Variants in IMPACT observed in about 807,000 individuals in gnomAD.
The protein encoded by IMPACT is protein IMPACT.
IMPACT carries 35 observed loss-of-function variants against 47.5 expected under a neutral mutation model. The observed-to-expected ratio is 0.74, with a 90% confidence interval of 0.56 to 0.98. IMPACT has a LOEUF of 0.98. IMPACT is among the 50% of genes least tolerant of loss of function. The probability of loss-of-function intolerance (pLI) is 0.00; values close to 1 mark genes in which losing one functional copy is unlikely to be tolerated. For synonymous variants in IMPACT, 118 were observed against 125.6 expected, an observed-to-expected ratio of 0.94 and a Z score of 0.40; for missense variants, 373 against 394.8, an observed-to-expected ratio of 0.94 and a Z score of 0.47.
In IMPACT at chr18:24,452,719, T is replaced by G. The variant is rs1472257786; in HGVS notation, c.*1872T>G. 1 of 152,190 alleles carries G rather than the reference T, an allele frequency of 6.6e-6. No individual in the cohort carries two copies. The highest frequency in any genetic ancestry group is 2.4e-5 in the African/African-American group (1 of 41,448). The allele number at this position is 152,190 out of a possible 1,614,324, so 9.4% of individuals were successfully genotyped here. On this transcript the variant is annotated 3_prime_UTR_variant, in exon 11 of 11. Transcript: ENST00000284202. ...TTTCCTCTATTTAAAATTTTTGTCTTGATTAGGAGATTTTTCAGTTCTCCA... is the reference window on the plus strand; with the variant it reads ...TTTCCTCTATTTAAAATTTTTGTCTGGATTAGGAGATTTTTCAGTTCTCCA...
intron 1 of IMPACT, chr18:24,427,169 A>G (rs1427133348): frequency 3.4e-5 from 7 of 205,252 alleles, no homozygotes; most frequent in Non-Finnish European, 6.7e-5. Flanking sequence ...AATAGCCCAG[A>G]CCCTGCAGGT....
intron 5 of IMPACT, 152 bp from the exon 6 acceptor site, chr18:24,440,344 C>G (rs1909067624): frequency 2.9e-6 from 2 of 690,394 alleles, no homozygotes; most frequent in Non-Finnish European, 4.6e-6. Flanking sequence ...TTTCCTTGCT[C>G]CAACTCAGGA....
intron 6 of IMPACT, 96 bp downstream of exon 6, chr18:24,440,714 A>G (rs1026314664): frequency 1.7e-6 from 2 of 1,145,384 alleles, no homozygotes; most frequent in Non-Finnish European, 2.4e-6. Flanking sequence ...AATTTTCTCC[A>G]GTTTTAGGAA....
chr18:24,426,681 G>A lies in IMPACT; in HGVS notation c.-76G>A. ...TCGGGCCGCGCCGCAGCCAGCTCTC[G>A]GCTCGCAGCCGCAGCGCCCCGCCCC... On this transcript the variant is annotated 5_prime_UTR_variant, in exon 1 of 11. Coordinates refer to ENST00000284202, the MANE Select transcript of IMPACT (RefSeq NM_018439.4). 8.9e-7 allele frequency: 1 copy of A among 1,126,956 alleles called. No homozygotes were observed. Among genetic ancestry groups the A allele is most frequent in the Non-Finnish European group, 1.1e-6 (1 of 892,020 alleles). The allele number at this position is 1,126,956 out of a possible 1,614,324, so 69.8% of individuals were successfully genotyped here. A position where few individuals can be genotyped will look rare whatever the true frequency, so the allele number is the denominator to read the frequency against.
In IMPACT at chr18:24,426,679, T is replaced by TCGGCTCGCAGCCGCAGCGCC; in HGVS notation, c.-76_-57dup. The stretch of plus-strand genomic sequence containing the variant: ...GGTCGGGCCGCGCCGCAGCCAGCTC[T>TCGGCTCGCAGCCGCAGCGCC]CGGCTCGCAGCCGCAGCGCCCCGCC... On this transcript the variant is annotated 5_prime_UTR_variant, in exon 1 of 11. Coordinates refer to ENST00000284202, the MANE Select transcript of IMPACT (RefSeq NM_018439.4). 1 of 1,111,750 alleles carries TCGGCTCGCAGCCGCAGCGCC rather than the reference T, an allele frequency of 9.0e-7. No individual in the cohort carries two copies. Among genetic ancestry groups the TCGGCTCGCAGCCGCAGCGCC allele is most frequent in the Non-Finnish European group, 1.1e-6 (1 of 878,444 alleles). The allele number at this position is 1,111,750 out of a possible 1,614,324, so 68.9% of individuals were successfully genotyped here.
At chr18:24,430,740 A>G (rs548335266) in intron 4 of IMPACT, among the ~76,000 whole-genome samples, 31 of 152,240 alleles carry the variant, frequency 2.0e-4, no homozygotes, top group Non-Finnish European at 3.7e-4. Context: ...TCTCAATCTC[A>G]ATAAATTAAA....
At chr18:24,448,012 A>G (rs1909287957) in intron 8 of IMPACT, 81 bp from the exon 9 acceptor site, 2 of 800,590 alleles carry the variant, frequency 2.5e-6, no homozygotes, top group Non-Finnish European at 4.1e-6. Flanking sequence ...GGAAGTAATC[A>G]AAATGATCAC....
intron 10 of IMPACT, among the ~76,000 whole-genome samples, chr18:24,450,409 G>C (rs1909354008): frequency 6.6e-6 from 1 of 151,926 alleles, no homozygotes; most frequent in African/African-American, 2.4e-5. Flanking sequence ...TTTATACTTT[G>C]AGTTTATTTT....
chr18:24,434,953 A>G (rs1191068549), intron 4 of IMPACT, among the ~76,000 whole-genome samples: 2 of 148,600 alleles, frequency 1.3e-5, no homozygotes, highest in Non-Finnish European at 3.0e-5. Flanking sequence ...GATTAATTAG[A>G]TGTATATTTA....
chr18:24,449,659 A>C (rs954602740), intron 9 of IMPACT, among the ~76,000 whole-genome samples, 160 bp from the exon 10 acceptor site: 2 of 152,160 alleles, frequency 1.3e-5, no homozygotes, highest in African/African-American at 4.8e-5. Context: ...AATTGTTAGT[A>C]ATCTCACTCA....
chr18:24,427,693 G>C, intron 1 of IMPACT: 1 of 500,432 alleles, frequency 2.0e-6, no homozygotes, highest in Non-Finnish European at 3.5e-6. Context: ...CAAAAGCACA[G>C]TAATGCAGTA....
chr18:24,433,828 G>A (rs189102463), intron 4 of IMPACT, among the ~76,000 whole-genome samples: 14 of 151,700 alleles, frequency 9.2e-5, no homozygotes, highest in South Asian at 2.1e-4. Flanking sequence ...GCACCACTAC[G>A]CCTGGCTAAT....
At chr18:24,433,950 C>T (rs1351394264) in intron 4 of IMPACT, among the ~76,000 whole-genome samples, 15 of 151,922 alleles carry the variant, frequency 9.9e-5, no homozygotes, top group African/African-American at 3.4e-4. Flanking sequence ...GGATTACAGG[C>T]GTGAGCCACC....
chr18:24,449,056 A>G (rs1909313744), intron 9 of IMPACT, among the ~76,000 whole-genome samples: 1 of 152,206 alleles, frequency 6.6e-6, no homozygotes, highest in South Asian at 2.1e-4. Context: ...GCAGCATTTG[A>G]CAAATGTCAA....
chr18:24,450,379 A>G (rs145033173), intron 10 of IMPACT, among the ~76,000 whole-genome samples: 149 of 152,192 alleles, frequency 9.8e-4, no homozygotes, highest in Middle Eastern at 6.8e-3. Context: ...TCACTGGCAT[A>G]CCTTTAGATG....
At chr18:24,446,720 T>C (rs913746743) in intron 8 of IMPACT, among the ~76,000 whole-genome samples, 1 of 152,216 alleles carries the variant, frequency 6.6e-6, no homozygotes, top group African/African-American at 2.4e-5. Context: ...TTATTTGTTA[T>C]GTAATTCCCC....
intron 5 of IMPACT, 32 bp from the exon 6 acceptor site, chr18:24,440,464 T>A: frequency 6.2e-7 from 1 of 1,602,436 alleles, no homozygotes; most frequent in Non-Finnish European, 8.5e-7. Flanking sequence ...CTTACCTGCG[T>A]CATAAAGTAA....
At chr18:24,441,509 G>A (rs554781380) in intron 6 of IMPACT, among the ~76,000 whole-genome samples, 2 of 152,234 alleles carry the variant, frequency 1.3e-5, no homozygotes, top group South Asian at 2.1e-4. Context: ...AATTTGTTTC[G>A]TAATCGAGTA....
intron 6 of IMPACT, among the ~76,000 whole-genome samples, chr18:24,441,489 C>T (rs534599643): frequency 3.9e-4 from 60 of 152,196 alleles, no homozygotes; most frequent in Non-Finnish European, 6.9e-4. Flanking sequence ...GCCTAGTTTT[C>T]GTTTAAACAA....
Sources: gnomAD v4.1 joint callset for allele counts (sites outside exome capture counted in the v4.1 genomes callset) on GRCh38, gnomAD v4.1.1 for gene constraint, MANE v1.5 for transcripts, NCBI Gene and HGNC (gene_info 2026-07-23, HGNC 2026-07-21) for gene names.